AXL: variants seen among roughly 807,000 people sequenced by gnomAD.
AXL encodes AXL receptor tyrosine kinase.
In AXL, 52 loss-of-function variants were observed where a neutral mutation model predicts 104.5. That is an observed-to-expected ratio of 0.50 (90% CI 0.40 to 0.63). AXL has a LOEUF of 0.63. AXL is among the 20% of genes least tolerant of loss of function. AXL has a pLI of 0.00. For synonymous variants in AXL, 455 were observed against 473.7 expected (o/e 0.96, Z 0.51); for missense variants, 1,024 against 1,188.5 (o/e 0.86, Z 2.04).
intron 16 of AXL, 94 bp from the exon 17 acceptor site, chr19:41,253,505 C>G: frequency 2.2e-6 from 2 of 924,270 alleles, no homozygotes; most frequent in Non-Finnish European, 3.4e-6. Flanking sequence ...GAAACCACTG[C>G]GGGCAGAGCT....
chr19:41,245,524 A>G (rs1404950251), intron 12 of AXL, among the ~76,000 whole-genome samples: 1 of 151,964 alleles, frequency 6.6e-6, no homozygotes, highest in Non-Finnish European at 1.5e-5. Flanking sequence ...GGAGTTCGAG[A>G]CCAGCCTGGC....
intron 6 of AXL, among the ~76,000 whole-genome samples, chr19:41,234,562 A>G (rs2034047088): frequency 6.6e-6 from 1 of 152,200 alleles, no homozygotes; most frequent in South Asian, 2.1e-4. Flanking sequence ...AAAGAAAGAA[A>G]GAAAGAAAAC....
chr19:41,258,393 A>G (rs192249094), intron 19 of AXL, among the ~76,000 whole-genome samples: 4 of 152,340 alleles, frequency 2.6e-5, no homozygotes, highest in African/African-American at 4.8e-5. Context: ...CATTCTGCAG[A>G]TAAGAAAACC....
At chr19:41,234,342 C>T (rs899658494) in intron 6 of AXL, among the ~76,000 whole-genome samples, 8 of 152,058 alleles carry the variant, frequency 5.3e-5, no homozygotes, top group African/African-American at 1.4e-4. Flanking sequence ...TTTGCTAGGC[C>T]GGGTGCCATG....
At position 41,261,115 on chromosome 19, in the gene AXL, T is replaced by C. The variant is rs900671890; in HGVS notation, c.*1211T>C. 2 of 152,302 alleles carry C rather than the reference T, an allele frequency of 1.3e-5. No homozygotes were observed. The highest frequency in any genetic ancestry group is 2.9e-5 in the Non-Finnish European group (2 of 68,034). The allele number at this position is 152,302 out of a possible 1,614,324, so 9.4% of individuals were successfully genotyped here. On this transcript the variant is annotated 3_prime_UTR_variant, in exon 20 of 20. Coordinates refer to ENST00000301178, the MANE Select transcript of AXL (RefSeq NM_021913.5). The stretch of plus-strand genomic sequence containing the variant: ...TTCTAAGATGTGATATTCTAAGACT[T>C]ACTCTAAGATCTTAGATTCTCTGTG...
In AXL at chr19:41,237,115, C is replaced by A. The variant is rs563393601; in HGVS notation, c.784-829C>A. On this transcript the variant is annotated intron_variant, in intron 6 of 19. Transcript: ENST00000301178. ...CCACCATCCAAATCAAGACACAGAC[C>A]CTTCCAGTCCCCAAGAAGTCTCCCT... Among the ~76,000 whole-genome samples the A allele has an allele frequency of 3.9e-5, 6 of 152,258 alleles. No individual in the cohort carries two copies. The East Asian group carries it at 7.7e-4, about 20-fold the overall frequency.
At chr19:41,245,306 T>C (rs2034253003) in intron 12 of AXL, among the ~76,000 whole-genome samples, 1 of 152,218 alleles carries the variant, frequency 6.6e-6, no homozygotes. Context: ...AAAAATTATA[T>C]GCATGTACTC....
In AXL at chr19:41,256,483, G is replaced by A; in HGVS notation, c.2068G>A (p.Asp690Asn). ...TGAGAACATGTCCGTGTGTGTGGCG[G>A]ACTTCGGGCTCTCCAAGAAGATCTA... is the stretch of plus-strand genomic sequence containing the variant. ...LNENMSVCVA[D>N]FGLSKKIYNG... Residue 690 changes from aspartate to asparagine, a missense_variant, in exon 18 of 20, where the codon GAC (aspartate) becomes AAC (asparagine). Coordinates refer to ENST00000301178, the MANE Select transcript of AXL (RefSeq NM_021913.5). 1 of 1,614,026 alleles carries A rather than the reference G, an allele frequency of 6.2e-7. No homozygotes were observed.
intron 17 of AXL, among the ~76,000 whole-genome samples, chr19:41,255,183 T>C (rs1045224533): frequency 6.6e-6 from 1 of 152,234 alleles, no homozygotes; most frequent in East Asian, 1.9e-4. Context: ...CTGGCTTCTA[T>C]GGCTCAGCAT....
chr19:41,222,296 C>T (rs2122200383), intron 4 of AXL, among the ~76,000 whole-genome samples: 1 of 151,694 alleles, frequency 6.6e-6, no homozygotes, highest in South Asian at 2.1e-4. Flanking sequence ...TTCTGTCTCT[C>T]TTTGTATGTG....
intron 12 of AXL, among the ~76,000 whole-genome samples, chr19:41,247,489 A>T (rs910101842): frequency 1.3e-5 from 2 of 152,106 alleles, no homozygotes; most frequent in East Asian, 3.8e-4. Context: ...GGCAACAGGA[A>T]CGAAACTCCA....
At chr19:41,235,332 C>A (rs1355531020) in intron 6 of AXL, among the ~76,000 whole-genome samples, 3 of 151,742 alleles carry the variant, frequency 2.0e-5, no homozygotes, top group Non-Finnish European at 4.4e-5. Flanking sequence ...GCCTGGGCAA[C>A]AAGAGCGAAA....
In AXL at chr19:41,258,519, A is replaced by G. The variant is rs143295922; in HGVS notation, c.2333+890A>G. Among the ~76,000 whole-genome samples, 1,066 of 152,314 alleles carry G rather than the reference A, an allele frequency of 7.0e-3. 14 individuals are homozygous for G. The highest frequency in any genetic ancestry group is 0.021 in the African/African-American group (877 of 41,568). ...CACTGCAACCTCCCAGGTTCTAGCGATTCTCTTGCCTCAGCCTCCCAAGTA... is the reference window on the plus strand; with the variant it reads ...CACTGCAACCTCCCAGGTTCTAGCGGTTCTCTTGCCTCAGCCTCCCAAGTA... On this transcript the variant is annotated intron_variant, in intron 19 of 19. Coordinates refer to ENST00000301178, the MANE Select transcript of AXL (RefSeq NM_021913.5).
intron 12 of AXL, among the ~76,000 whole-genome samples, chr19:41,245,651 T>C (rs1367430202): frequency 6.7e-6 from 1 of 149,598 alleles, no homozygotes; most frequent in Non-Finnish European, 1.5e-5. Context: ...GAGGCGGAGG[T>C]TGCAGTGAGC....
At position 41,220,548 on chromosome 19, in the gene AXL, C is replaced by T. The variant is rs575000946; in HGVS notation, c.86-88C>T. ...CCTAAGGGCCTGGCGGGGTCCTGGC[C>T]GCCGGTGGGCAGGCAAGGACAGGGT... is the stretch of plus-strand genomic sequence containing the variant. On this transcript the variant is annotated intron_variant, in intron 1 of 19. Transcript: ENST00000301178. The T allele has an allele frequency of 1.4e-4, 167 of 1,217,836 alleles. 1 individual carries two copies. The East Asian group carries it at 3.9e-3, about 28-fold the overall frequency. 75.4% of individuals were successfully genotyped at this position (1,217,836 alleles called of 1,614,324 possible).
chr19:41,248,138 G>A (rs978428244), intron 12 of AXL, among the ~76,000 whole-genome samples: 9 of 152,080 alleles, frequency 5.9e-5, no homozygotes, highest in Non-Finnish European at 1.3e-4. Context: ...TGCCCAGGCT[G>A]GTCTTGAACT....
intron 17 of AXL, among the ~76,000 whole-genome samples, chr19:41,255,876 C>T (rs2034444849): frequency 6.6e-6 from 1 of 152,114 alleles, no homozygotes; most frequent in Non-Finnish European, 1.5e-5. Context: ...TCCCAGGTAG[C>T]TGGGATTTCA....
At chr19:41,257,339 C>T (rs548125399) in intron 18 of AXL, among the ~76,000 whole-genome samples, 154 bp from the exon 19 acceptor site, 3 of 152,154 alleles carry the variant, frequency 2.0e-5, no homozygotes, top group Admixed American at 6.6e-5. Flanking sequence ...CCACCGCACC[C>T]GGCTAAAGTA....
intron 14 of AXL, among the ~76,000 whole-genome samples, chr19:41,251,271 C>CA (rs2034356881): frequency 6.6e-6 from 1 of 151,910 alleles, no homozygotes; most frequent in South Asian, 2.1e-4. Context: ...GACTCCCTCT[C>CA]AAAAAATTGG....
Sources: gnomAD v4.1 joint callset for allele counts (sites outside exome capture counted in the v4.1 genomes callset) on GRCh38, gnomAD v4.1.1 for gene constraint, MANE v1.5 for transcripts, NCBI Gene and HGNC (gene_info 2026-07-23, HGNC 2026-07-21) for gene names.